The following CHST8 variants were observed in gnomAD, a reference collection of about 807,000 sequenced individuals.
CHST8 encodes GALNAC-4-ST1.
Under a neutral mutation model 15.0 loss-of-function variants are expected in CHST8, and 10 were observed. That is an observed-to-expected ratio of 0.67 (90% CI 0.41 to 1.13). CHST8 has a LOEUF of 1.13. CHST8 is among the 50% of genes most tolerant of loss of function. The probability of loss-of-function intolerance (pLI) is 0.00; values close to 1 mark genes in which losing one functional copy is unlikely to be tolerated. For synonymous variants in CHST8, 259 were observed against 256.6 expected (o/e 1.01, Z -0.09); for missense variants, 634 against 608.2 (o/e 1.04, Z -0.45).
At chr19:33,672,041 G>C (rs1209311845) in intron 2 of CHST8, among the ~76,000 whole-genome samples, 3 of 151,952 alleles carry the variant, frequency 2.0e-5, no homozygotes, top group African/African-American at 7.3e-5. Context: ...GTATATATAT[G>C]TGTGTGCATA....
At chr19:33,733,929 A>G (rs1376668249) in intron 3 of CHST8, among the ~76,000 whole-genome samples, 1 of 152,214 alleles carries the variant, frequency 6.6e-6, no homozygotes, top group Non-Finnish European at 1.5e-5. Flanking sequence ...TCTGTGATCT[A>G]TGAGGCAAGC....
chr19:33,715,227 G>A (rs1469260232), intron 3 of CHST8, among the ~76,000 whole-genome samples: 2 of 152,220 alleles, frequency 1.3e-5, no homozygotes, highest in East Asian at 3.9e-4. Flanking sequence ...TCATGGACGT[G>A]TGTGAATGCC....
chr19:33,765,513 TTGTGTGTGTGTGTG>T (rs61673440), intron 3 of CHST8, among the ~76,000 whole-genome samples: 2,988 of 131,688 alleles, frequency 0.023, 53 homozygotes, highest in Non-Finnish European at 0.029. Flanking sequence ...ATGCCAGTCT[TTGTGTGTGTGTGTG>T]TGTGTGTGTG....
chr19:33,644,514 C>T (rs188222584), intron 1 of CHST8, among the ~76,000 whole-genome samples: 37 of 152,162 alleles, frequency 2.4e-4, no homozygotes, highest in African/African-American at 8.9e-4. Flanking sequence ...GCGGGAGGAT[C>T]CCTCGAGGCC....
At chr19:33,647,780 A>G (rs1031240715) in intron 1 of CHST8, among the ~76,000 whole-genome samples, 1 of 152,070 alleles carries the variant, frequency 6.6e-6, no homozygotes, top group Non-Finnish European at 1.5e-5. Context: ...CGGGAGGCGG[A>G]GGTTGCAGTG....
chr19:33,688,288 G>A (rs969229901), intron 2 of CHST8, among the ~76,000 whole-genome samples: 5 of 152,222 alleles, frequency 3.3e-5, no homozygotes, highest in Non-Finnish European at 5.9e-5. Context: ...GGTATGTGGG[G>A]GATGGGGAAT....
intron 3 of CHST8, among the ~76,000 whole-genome samples, chr19:33,731,797 G>C (rs183313636): frequency 5.9e-5 from 9 of 152,356 alleles, no homozygotes; most frequent in African/African-American, 2.2e-4. Flanking sequence ...GCCCAAGGCT[G>C]TGGCCAGATC....
intron 2 of CHST8, among the ~76,000 whole-genome samples, chr19:33,682,782 C>G (rs1383980157): frequency 2.6e-5 from 4 of 152,166 alleles, no homozygotes; most frequent in Admixed American, 6.5e-5. Context: ...GGGGGGGTTC[C>G]TAGCATCACA....
At chr19:33,728,113 T>C (rs1973935750) in intron 3 of CHST8, among the ~76,000 whole-genome samples, 1 of 152,268 alleles carries the variant, frequency 6.6e-6, no homozygotes, top group African/African-American at 2.4e-5. Flanking sequence ...GAACTGTATT[T>C]CCAGAGCACA....
intron 3 of CHST8, among the ~76,000 whole-genome samples, chr19:33,711,967 G>A (rs1159166904): frequency 6.6e-6 from 1 of 152,118 alleles, no homozygotes; most frequent in Non-Finnish European, 1.5e-5. Flanking sequence ...CACTAATTTT[G>A]CCAGTGTGTA....
intron 3 of CHST8, among the ~76,000 whole-genome samples, chr19:33,747,713 C>G (rs73035179): frequency 0.019 from 2,824 of 152,284 alleles, 44 homozygotes; most frequent in Middle Eastern, 0.068. Context: ...GTTTCTGAAA[C>G]TGGGTGGTGA....
At chr19:33,699,898 G>A (rs1393137668) in intron 3 of CHST8, among the ~76,000 whole-genome samples, 1 of 152,180 alleles carries the variant, frequency 6.6e-6, no homozygotes, top group African/African-American at 2.4e-5. Flanking sequence ...TGTCGTGGGT[G>A]GGCCAGGACC....
chr19:33,701,830 C>G (rs1973342512), intron 3 of CHST8, among the ~76,000 whole-genome samples: 1 of 152,218 alleles, frequency 6.6e-6, no homozygotes, highest in Non-Finnish European at 1.5e-5. Flanking sequence ...TCAACTGAAA[C>G]TTAGGGAGAT....
intron 1 of CHST8, among the ~76,000 whole-genome samples, chr19:33,640,387 G>A (rs1972268032): frequency 6.6e-6 from 1 of 152,180 alleles, no homozygotes; most frequent in African/African-American, 2.4e-5. Flanking sequence ...TGGCTCCTTT[G>A]GGTGGCTCAG....
chr19:33,690,946 T>C (rs1973090192), intron 3 of CHST8, among the ~76,000 whole-genome samples: 1 of 152,126 alleles, frequency 6.6e-6, no homozygotes, highest in Non-Finnish European at 1.5e-5. Flanking sequence ...TGGGGGTGCA[T>C]GTAGGCAGAG....
chr19:33,669,849 G>A (rs1049996185), intron 2 of CHST8, among the ~76,000 whole-genome samples: 4 of 152,198 alleles, frequency 2.6e-5, no homozygotes, highest in African/African-American at 4.8e-5. Flanking sequence ...AGGCATGGCC[G>A]AAGATGATAT....
chr19:33,668,689 A>T (rs1388389907), intron 2 of CHST8, among the ~76,000 whole-genome samples: 1 of 152,108 alleles, frequency 6.6e-6, no homozygotes, highest in Non-Finnish European at 1.5e-5. Flanking sequence ...TCAAAATATA[A>T]AGTTATATTT....
chr19:33,717,933 C>T (rs901756712), intron 3 of CHST8, among the ~76,000 whole-genome samples: 2 of 152,166 alleles, frequency 1.3e-5, no homozygotes, highest in Admixed American at 6.5e-5. Context: ...GGGGTTAGGA[C>T]TTCAAGGTGG....
At chr19:33,766,248 G>A (rs1206697172) in intron 3 of CHST8, among the ~76,000 whole-genome samples, 1 of 148,646 alleles carries the variant, frequency 6.7e-6, no homozygotes, top group African/African-American at 2.5e-5. Context: ...CTTTCTCTCC[G>A]TCTCTTTCCC....
Sources: allele counts gnomAD v4.1 joint callset (sites outside exome capture counted in the v4.1 genomes callset), GRCh38; gene constraint gnomAD v4.1.1; transcripts MANE v1.5; gene names NCBI Gene and HGNC (gene_info 2026-07-23, HGNC 2026-07-21).